The following PPARGC1B variants were observed in gnomAD, a reference collection of about 807,000 sequenced individuals.
PPARGC1B encodes the protein peroxisome proliferator-activated receptor gamma coactivator 1-beta.
Under a neutral mutation model 101.6 loss-of-function variants are expected in PPARGC1B, and 34 were observed. The observed-to-expected ratio is 0.33, with a 90% CI of 0.25 to 0.45. PPARGC1B has a LOEUF of 0.45. Among genes scored for constraint, PPARGC1B ranks in the 20% least tolerant of loss-of-function variants. The pLI, the probability that PPARGC1B is intolerant of heterozygous loss-of-function variation, is 1.00. For missense variants in PPARGC1B, 1,234 were observed against 1,317.6 expected, an observed-to-expected ratio of 0.94 and a Z score of 0.98; for synonymous variants, 548 against 539.3, an observed-to-expected ratio of 1.02 and a Z score of -0.22.
At chr5:149,732,250 C>T (rs1754528646) in intron 1 of PPARGC1B, among the ~76,000 whole-genome samples, 1 of 152,162 alleles carries the variant, frequency 6.6e-6, no homozygotes, top group Non-Finnish European at 1.5e-5. Flanking sequence ...GCACTGAGTG[C>T]GGGAGGAGGG....
At chr5:149,803,475 A>G (rs2113297988) in intron 1 of PPARGC1B, among the ~76,000 whole-genome samples, 1 of 152,266 alleles carries the variant, frequency 6.6e-6, no homozygotes, top group East Asian at 1.9e-4. Flanking sequence ...AGTGGGAGAA[A>G]CCTAGTAGGG....
intron 1 of PPARGC1B, among the ~76,000 whole-genome samples, chr5:149,736,620 A>G (rs1754720841): frequency 6.6e-6 from 1 of 152,176 alleles, no homozygotes; most frequent in East Asian, 1.9e-4. Context: ...GTTACTACCA[A>G]AGAGATCTTT....
chr5:149,816,913 G>C (rs1758075753), intron 1 of PPARGC1B, among the ~76,000 whole-genome samples: 1 of 152,168 alleles, frequency 6.6e-6, no homozygotes, highest in Non-Finnish European at 1.5e-5. Flanking sequence ...CCATCTCCCT[G>C]CTTCTATGCT....
chr5:149,853,571 T>C lies in PPARGC1B; in HGVS notation c.*6013T>C, dbSNP rs913410451. 6.6e-6 allele frequency: 1 copy of C among 152,212 alleles called. No homozygotes were observed. The highest frequency in any genetic ancestry group is 1.5e-5 in the Non-Finnish European group (1 of 68,040). 9.4% of individuals were successfully genotyped at this position (152,212 alleles called of 1,614,324 possible). ...TCTGCCCTCAAGGCAAGATAAGAAG[T>C]TGGGTGTAAGGATTTTGTGGGGGGC... is the stretch of plus-strand genomic sequence containing the variant. On this transcript the variant is annotated 3_prime_UTR_variant, in exon 12 of 12. Transcript: ENST00000309241. The surrounding 1 kb of genome is among the most constrained non-coding windows in gnomAD (Gnocchi z 4.2).
rs765996364 is a variant in PPARGC1B, at chr5:149,730,320, C to A, written c.-23C>A. 2 of 1,534,824 alleles carry A rather than the reference C, an allele frequency of 1.3e-6. No homozygotes were observed. The highest frequency in any genetic ancestry group is 2.6e-5 in the East Asian group (1 of 37,966). Reference sequence around the variant, plus strand: ...GGCCGGCTCGGCGTTGACTCCGCCGCACGCTGCAGCCGCGGCTGGAAGATG... The same window carrying A: ...GGCCGGCTCGGCGTTGACTCCGCCGAACGCTGCAGCCGCGGCTGGAAGATG... On this transcript the variant is annotated 5_prime_UTR_variant, in exon 1 of 12. Coordinates refer to ENST00000309241, the MANE Select transcript of PPARGC1B (RefSeq NM_133263.4). The surrounding 1 kb of genome is among the most constrained non-coding windows in gnomAD (Gnocchi z 4.0).
intron 1 of PPARGC1B, among the ~76,000 whole-genome samples, chr5:149,742,378 G>T (rs150016256): frequency 1.4e-3 from 215 of 152,074 alleles, no homozygotes; most frequent in Non-Finnish European, 2.0e-3. Context: ...TTTGCTCTGC[G>T]ATCCCCACAG....
intron 1 of PPARGC1B, among the ~76,000 whole-genome samples, chr5:149,780,394 CT>C (rs2113220657): frequency 6.6e-6 from 1 of 152,324 alleles, no homozygotes; most frequent in South Asian, 2.1e-4. Flanking sequence ...CAGTCCCAGT[CT>C]GGGAGGAAGA....
At chr5:149,844,959 C>T (rs1427195053) in intron 10 of PPARGC1B, among the ~76,000 whole-genome samples, 1 of 152,176 alleles carries the variant, frequency 6.6e-6, no homozygotes, top group Non-Finnish European at 1.5e-5. Flanking sequence ...AGCTTAGAGA[C>T]CCCTGAGAAG....
intron 1 of PPARGC1B, among the ~76,000 whole-genome samples, chr5:149,808,095 A>G (rs931892049): frequency 1.3e-5 from 2 of 152,232 alleles, no homozygotes; most frequent in East Asian, 1.9e-4. Flanking sequence ...GCGTAGCCCT[A>G]CAGGAACCGA....
chr5:149,834,739 G>T (rs745370516), intron 6 of PPARGC1B, 29 bp downstream of exon 6: 95 of 1,600,732 alleles, frequency 5.9e-5, no homozygotes, highest in Admixed American at 1.0e-4. Flanking sequence ...TTGGTGTATT[G>T]TTCCATGAGA....
At chr5:149,838,131 G>A (rs1759183769) in intron 8 of PPARGC1B, among the ~76,000 whole-genome samples, 1 of 151,864 alleles carries the variant, frequency 6.6e-6, no homozygotes, top group African/African-American at 2.4e-5. Context: ...ATTTTTTTTT[G>A]TTAAATAAAA....
At chr5:149,820,733 C>A in intron 2 of PPARGC1B, 127 bp downstream of exon 2, 1 of 932,250 alleles carries the variant, frequency 1.1e-6, no homozygotes, top group Non-Finnish European at 1.6e-6. Context: ...CCCACCAAAG[C>A]TGTTGGGCCC....
At chr5:149,857,593 T>C (rs1362009864), downstream of PPARGC1B, among the ~76,000 whole-genome samples, 3 of 151,718 alleles carry the variant, frequency 2.0e-5, no homozygotes, top group Non-Finnish European at 4.4e-5. Context: ...AGTTTGGGAG[T>C]TTAAAGATGC....
At chr5:149,782,140 T>C (rs910451667) in intron 1 of PPARGC1B, among the ~76,000 whole-genome samples, 6 of 152,132 alleles carry the variant, frequency 3.9e-5, no homozygotes, top group African/African-American at 1.4e-4. Flanking sequence ...AAGGGCACAC[T>C]GAGCCATTAG....
intron 1 of PPARGC1B, among the ~76,000 whole-genome samples, chr5:149,814,712 G>C (rs1256701542): frequency 1.3e-5 from 2 of 152,218 alleles, no homozygotes; most frequent in Non-Finnish European, 2.9e-5. Context: ...TCTTAAGCAG[G>C]GAATCAATTT....
At chr5:149,733,504 C>A (rs1161243249) in intron 1 of PPARGC1B, among the ~76,000 whole-genome samples, 3 of 152,228 alleles carry the variant, frequency 2.0e-5, no homozygotes, top group Non-Finnish European at 1.5e-5. Flanking sequence ...TTGTGTGAGT[C>A]TGGTGTCCAG....
chr5:149,782,231 G>T (rs1353856819), intron 1 of PPARGC1B, among the ~76,000 whole-genome samples: 1 of 152,162 alleles, frequency 6.6e-6, no homozygotes, highest in African/African-American at 2.4e-5. Context: ...TGGCTTGGGA[G>T]TCGGATCCCT....
chr5:149,853,058 G>A lies in PPARGC1B; in HGVS notation c.*5500G>A, dbSNP rs1759824732. On this transcript the variant is annotated 3_prime_UTR_variant, in exon 12 of 12. Transcript: ENST00000309241. This position sits in a 1 kb window ranked among gnomAD's most constrained non-coding sequence, Gnocchi z 4.2. ...GGTTTATATAACTAGAACCCCCCTG[G>A]GCTGTATTTTTGGTCAAAGGAGTCT... 6.6e-6 allele frequency: 1 copy of A among 152,106 alleles called. No homozygotes were observed. The highest frequency in any genetic ancestry group is 2.4e-5 in the African/African-American group (1 of 41,406). 9.4% of individuals were successfully genotyped at this position (152,106 alleles called of 1,614,324 possible).
chr5:149,815,722 T>C (rs1002643775), intron 1 of PPARGC1B, among the ~76,000 whole-genome samples: 1 of 152,162 alleles, frequency 6.6e-6, no homozygotes, highest in African/African-American at 2.4e-5. Context: ...CATTTTTGTA[T>C]TTTTAGTAGA....
Sources: gnomAD v4.1 joint callset for allele counts (sites outside exome capture counted in the v4.1 genomes callset) on GRCh38, gnomAD v4.1.1 for gene constraint, Gnocchi (gnomAD v3.1) non-coding constraint, MANE v1.5 for transcripts, NCBI Gene and HGNC (gene_info 2026-07-23, HGNC 2026-07-21) for gene names.